ZDHHC5: variants seen among roughly 807,000 people sequenced by gnomAD.
ZDHHC5 encodes the protein zDHHC palmitoyltransferase 5.
A neutral mutation model predicts 70.0 loss-of-function variants in ZDHHC5; 22 were observed. That is an observed-to-expected ratio of 0.31 (90% CI 0.22 to 0.45). The LOEUF (loss-of-function observed/expected upper bound fraction) is 0.45, where lower values mean the gene tolerates loss of function less well. ZDHHC5 is among the 20% of genes least tolerant of loss of function. The probability of loss-of-function intolerance (pLI) is 1.00; values close to 1 mark genes in which losing one functional copy is unlikely to be tolerated. For synonymous variants in ZDHHC5, 313 were observed against 347.8 expected, an observed-to-expected ratio of 0.90 and a Z score of 1.11; for missense variants, 746 against 926.9, an observed-to-expected ratio of 0.80 and a Z score of 2.53.
chr11:57,688,498 C>T lies in ZDHHC5; in HGVS notation c.227-10C>T. On this transcript the variant is annotated splice_polypyrimidine_tract_variant and intron_variant, in intron 3 of 11. Coordinates refer to ENST00000287169, the MANE Select transcript of ZDHHC5 (RefSeq NM_015457.3). ...CATAGTTGTTTTTAATTGACTTTTC[C>T]TCTCTACAGCTGAGGAGGATGAGGA... 1.3e-6 allele frequency: 2 copies of T among 1,531,700 alleles called. No individual in the cohort carries two copies. The highest frequency in any genetic ancestry group is 1.8e-6 in the Non-Finnish European group (2 of 1,135,398). The allele number at this position is 1,531,700 out of a possible 1,614,324, so 94.9% of individuals were successfully genotyped here.
intron 2 of ZDHHC5, among the ~76,000 whole-genome samples, chr11:57,679,628 A>G (rs912349612): frequency 1.3e-5 from 2 of 152,174 alleles, no homozygotes; most frequent in Non-Finnish European, 2.9e-5. Context: ...GATTATTGCC[A>G]TAGTCTAAGG....
At position 57,668,203 on chromosome 11, in the gene ZDHHC5, A is replaced by G. The variant is rs939470608; in HGVS notation, c.-1071+16A>G. Reference sequence around the variant, plus strand: ...GGGCTCGCGGGTGAGTGCGGAGGACACCGGTCCCTGCGGAACCGGAAGTGC... The same window carrying G: ...GGGCTCGCGGGTGAGTGCGGAGGACGCCGGTCCCTGCGGAACCGGAAGTGC... On this transcript the variant is annotated intron_variant, in intron 1 of 11. Transcript: ENST00000287169. The G allele has an allele frequency of 6.9e-5, 25 of 361,518 alleles. No homozygotes were observed. Among genetic ancestry groups the G allele is most frequent in the African/African-American group, 3.4e-4 (16 of 47,228 alleles). The allele number at this position is 361,518 out of a possible 1,614,324, so 22.4% of individuals were successfully genotyped here.
rs1946431254 is a variant in ZDHHC5 at position 57,700,654 on chromosome 11, A to C, written c.*623A>C. ...TGTGATTAGGAAGAAGCCTGGGGAGAGGTGAGTCTGGAATTTTGGTCACAA... is the reference window on the plus strand; with the variant it reads ...TGTGATTAGGAAGAAGCCTGGGGAGCGGTGAGTCTGGAATTTTGGTCACAA... On this transcript the variant is annotated 3_prime_UTR_variant, in exon 12 of 12. Coordinates refer to ENST00000287169, the MANE Select transcript of ZDHHC5 (RefSeq NM_015457.3). 1 of 152,414 alleles carries C rather than the reference A, an allele frequency of 6.6e-6. No individual in the cohort carries two copies. Among genetic ancestry groups the C allele is most frequent in the Non-Finnish European group, 1.5e-5 (1 of 68,018 alleles). The allele number at this position is 152,414 out of a possible 1,614,324, so 9.4% of individuals were successfully genotyped here.
intron 1 of ZDHHC5, among the ~76,000 whole-genome samples, chr11:57,671,163 G>A (rs910728044): frequency 6.6e-6 from 1 of 152,180 alleles, no homozygotes; most frequent in East Asian, 1.9e-4. Flanking sequence ...GAATGTCCTC[G>A]GGCATTCTGT....
At chr11:57,698,002 C>T (rs1415002301) in intron 10 of ZDHHC5, among the ~76,000 whole-genome samples, 3 of 149,222 alleles carry the variant, frequency 2.0e-5, no homozygotes, top group African/African-American at 4.9e-5. Context: ...GGCGTGGTGG[C>T]GGGGCGCCTG....
intron 10 of ZDHHC5, among the ~76,000 whole-genome samples, chr11:57,697,828 CAA>C (rs1010913426): frequency 3.5e-5 from 1 of 28,766 alleles, no homozygotes. Context: ...GACTACACCT[CAA>C]AAAAAAAAAA....
chr11:57,699,802 T>C lies in ZDHHC5; in HGVS notation c.1983-64T>C, dbSNP rs377608497. 1.7e-4 allele frequency: 269 copies of C among 1,596,220 alleles called. 1 individual carries two copies. In the East Asian group the frequency reaches 2.7e-3, roughly 16 times the overall value. On this transcript the variant is annotated intron_variant, in intron 11 of 11. Coordinates refer to ENST00000287169, the MANE Select transcript of ZDHHC5 (RefSeq NM_015457.3). ...ATTTTTTTCTCTGAACCTTTGAAAC[T>C]GTCTCCCTTTCCAATGTTTTCTGTC...
intron 1 of ZDHHC5, among the ~76,000 whole-genome samples, chr11:57,670,993 G>A (rs1945999997): frequency 6.6e-6 from 1 of 151,938 alleles, no homozygotes; most frequent in Non-Finnish European, 1.5e-5. Flanking sequence ...AGTAGAGAAG[G>A]GAATAAAACT....
intron 6 of ZDHHC5, among the ~76,000 whole-genome samples, chr11:57,691,007 G>A (rs1469896799): frequency 6.6e-6 from 1 of 152,070 alleles, no homozygotes; most frequent in Admixed American, 6.6e-5. Flanking sequence ...TAATAATAAA[G>A]ATACTCTCAA....
intron 2 of ZDHHC5, among the ~76,000 whole-genome samples, chr11:57,681,172 A>G (rs1228247108): frequency 1.3e-5 from 2 of 152,210 alleles, no homozygotes; most frequent in African/African-American, 2.4e-5. Context: ...TCGTTAAGGA[A>G]CTGAGTTCCT....
chr11:57,670,489 A>G (rs1482778668), intron 1 of ZDHHC5, among the ~76,000 whole-genome samples: 4 of 152,044 alleles, frequency 2.6e-5, no homozygotes, highest in African/African-American at 2.4e-5. Context: ...AAAAAAGTAC[A>G]TATTGTCTAC....
At chr11:57,678,594 T>C (rs1192185408) in intron 2 of ZDHHC5, among the ~76,000 whole-genome samples, 1 of 140,340 alleles carries the variant, frequency 7.1e-6, no homozygotes, top group Non-Finnish European at 1.5e-5. Context: ...AAAAAAATTC[T>C]AGCGGCTGGG....
intron 10 of ZDHHC5, among the ~76,000 whole-genome samples, chr11:57,697,352 A>G (rs1946366141): frequency 6.6e-6 from 1 of 151,978 alleles, no homozygotes; most frequent in South Asian, 2.1e-4. Context: ...AGTCCCAGCT[A>G]CTCGGGAGGC....
At chr11:57,686,243 T>C (rs1946206600) in intron 3 of ZDHHC5, among the ~76,000 whole-genome samples, 1 of 152,020 alleles carries the variant, frequency 6.6e-6, no homozygotes, top group Admixed American at 6.6e-5. Context: ...AGCACAGCAC[T>C]CCAGCCTGGG....
chr11:57,675,972 A>G (rs191965979), intron 2 of ZDHHC5, among the ~76,000 whole-genome samples: 1 of 152,308 alleles, frequency 6.6e-6, no homozygotes, highest in Non-Finnish European at 1.5e-5. Context: ...TAACTACTCT[A>G]TCATCCTCCT....
chr11:57,672,973 T>C lies in ZDHHC5; in HGVS notation c.-118T>C. ...GGGAAGGGTGATAAAGTTTTCTGTT[T>C]CCCTGGTTTTCTTTTGTACTCCTCT... On this transcript the variant is annotated 5_prime_UTR_variant, in exon 2 of 12. Coordinates refer to ENST00000287169, the MANE Select transcript of ZDHHC5 (RefSeq NM_015457.3). 3 of 877,148 alleles carry C rather than the reference T, an allele frequency of 3.4e-6. No homozygotes were observed. Among genetic ancestry groups the C allele is most frequent in the Non-Finnish European group, 5.3e-6 (3 of 560,782 alleles). The allele number at this position is 877,148 out of a possible 1,614,324, so 54.3% of individuals were successfully genotyped here. A position where few individuals can be genotyped will look rare whatever the true frequency, so the allele number is the denominator to read the frequency against.
chr11:57,682,504 A>C lies in ZDHHC5; in HGVS notation c.187A>C (p.Ser63Arg). The stretch of plus-strand genomic sequence containing the variant: ...GTTTCTCTTTGTGTTGGCCAACTTC[A>C]GCATGGCCACCTTCATGGACCCAGG... The part of the protein sequence containing the change: ...IMFLFVLANF[S>R]MATFMDPGIF... Residue 63 changes from serine (S) to arginine (R), a missense_variant, in exon 3 of 12, where the codon AGC (serine) becomes CGC (arginine). Coordinates refer to ENST00000287169, the MANE Select transcript of ZDHHC5 (RefSeq NM_015457.3). 6.2e-7 allele frequency: 1 copy of C among 1,614,152 alleles called. No homozygotes were observed. The highest frequency in any genetic ancestry group is 8.5e-7 in the Non-Finnish European group (1 of 1,180,018).
rs750664924 is a variant in ZDHHC5, at chr11:57,691,686, TTTC to T, written c.661-922_661-920del. ...ACTTGGTATCCAAATAATAGTATTC[TTTC>T]TTTAGTTTGTCAAAAATCATATTAA... On this transcript the variant is annotated intron_variant, in intron 6 of 11. Transcript: ENST00000287169. 1.1e-3 allele frequency among the ~76,000 whole-genome samples: 170 copies of T among 152,170 alleles called. 3 individuals are homozygous for T. Among genetic ancestry groups the T allele is most frequent in the Non-Finnish European group, 3.8e-4 (26 of 68,026 alleles).
intron 2 of ZDHHC5, among the ~76,000 whole-genome samples, chr11:57,681,095 T>A (rs1425379138): frequency 6.6e-6 from 1 of 152,176 alleles, no homozygotes; most frequent in Non-Finnish European, 1.5e-5. Flanking sequence ...AATAAATAGA[T>A]GGTGGTGGTA....
Sources: gnomAD v4.1 joint callset for allele counts (sites outside exome capture counted in the v4.1 genomes callset) on GRCh38, gnomAD v4.1.1 for gene constraint, MANE v1.5 for transcripts, NCBI Gene and HGNC (gene_info 2026-07-23, HGNC 2026-07-21) for gene names.